The following SCD5 variants were observed in gnomAD, a reference collection of about 807,000 sequenced individuals.
SCD5 encodes stearoyl-CoA desaturase 5.
SCD5 carries 20 observed loss-of-function variants against 30.4 expected under a neutral mutation model. That is an observed-to-expected ratio of 0.66 (90% confidence interval 0.46 to 0.96). SCD5 has a LOEUF of 0.96. Ranked by LOEUF, SCD5 falls within the 40% of genes least tolerant of loss-of-function variation. The probability of loss-of-function intolerance (pLI) is 0.00; values close to 1 mark genes in which losing one functional copy is unlikely to be tolerated. For missense variants in SCD5, 381 were observed against 443.3 expected, an observed-to-expected ratio of 0.86 and a Z score of 1.26; for synonymous variants, 173 against 176.4, an observed-to-expected ratio of 0.98 and a Z score of 0.16.
At chr4:82,722,428 T>G in intron 1 of SCD5, among the ~76,000 whole-genome samples, 1 of 152,174 alleles carries the variant, frequency 6.6e-6, no homozygotes, top group Non-Finnish European at 1.5e-5. Context: ...ATGGTATAGT[T>G]AGAAAAAATG....
At position 82,763,274 on chromosome 4, in the gene SCD5, G is replaced by A. The variant is rs192299004; in HGVS notation, c.232+35032C>T. Among the ~76,000 whole-genome samples, 561 of 152,282 alleles carry A rather than the reference G, an allele frequency of 3.7e-3. 7 individuals carry two copies. The highest frequency in any genetic ancestry group is 4.6e-3 in the Non-Finnish European group (310 of 68,024). ...CATCTGTAATCCCAGCACTTTGGGA[G>A]GCTGAGGCAGGTGGACCACCTGAGG... On this transcript the variant is annotated intron_variant, in intron 1 of 4. Coordinates refer to ENST00000319540, the MANE Select transcript of SCD5 (RefSeq NM_001037582.3).
At chr4:82,709,095 T>C (rs1720027313) in intron 1 of SCD5, among the ~76,000 whole-genome samples, 1 of 152,164 alleles carries the variant, frequency 6.6e-6, no homozygotes, top group African/African-American at 2.4e-5. Context: ...AGAGCCCACA[T>C]CTAAATGCCC....
Position 82,668,185 on chromosome 4 carries a change from AG to A in SCD5, c.569+12521del, listed in dbSNP as rs138873290. Among the ~76,000 whole-genome samples, 1,118 of 152,334 alleles carry A rather than the reference AG, an allele frequency of 7.3e-3. 12 individuals are homozygous for A. Among genetic ancestry groups the A allele is most frequent in the African/African-American group, 0.026 (1,060 of 41,566 alleles). On this transcript the variant is annotated intron_variant, in intron 3 of 4. Transcript: ENST00000319540. The stretch of plus-strand genomic sequence containing the variant: ...GAGGCAAAATGTCTCCATGCAGAGA[AG>A]GGTACAAAAAAAGGAACAAAGCTGT...
chr4:82,695,191 G>A (rs1719673571), intron 2 of SCD5, among the ~76,000 whole-genome samples: 1 of 151,946 alleles, frequency 6.6e-6, no homozygotes, highest in Non-Finnish European at 1.5e-5. Context: ...GATCACGCAG[G>A]GCCCCATAGA....
At chr4:82,754,471 T>TA (rs1721184817) in intron 1 of SCD5, among the ~76,000 whole-genome samples, 1 of 151,730 alleles carries the variant, frequency 6.6e-6, no homozygotes, top group Admixed American at 6.6e-5. Flanking sequence ...AGGAGGGGTC[T>TA]GGGTGGTCCT....
At chr4:82,636,462 A>AT (rs1727432701) in intron 4 of SCD5, 129 bp downstream of exon 4, 2 of 738,508 alleles carry the variant, frequency 2.7e-6, no homozygotes, top group Non-Finnish European at 4.4e-6. Context: ...GAAAAAAAAA[A>AT]AAAAAGCTCA....
Position 82,784,206 on chromosome 4 carries a change from G to A in SCD5, c.232+14100C>T, listed in dbSNP as rs1161217666. The stretch of plus-strand genomic sequence containing the variant: ...AATCCCCAGGTGCATGTGAGGCAGC[G>A]GTAACAGTTCTCTTTACCTTTGTAT... On this transcript the variant is annotated intron_variant, in intron 1 of 4. Coordinates refer to ENST00000319540, the MANE Select transcript of SCD5 (RefSeq NM_001037582.3). Among the ~76,000 whole-genome samples the A allele has an allele frequency of 3.9e-5, 6 of 152,194 alleles. No homozygotes were observed. In the East Asian group the frequency reaches 9.6e-4, roughly 24 times the overall value.
At chr4:82,753,552 T>C in intron 1 of SCD5, 1 of 415,266 alleles carries the variant, frequency 2.4e-6, no homozygotes, top group Non-Finnish European at 5.0e-6. Flanking sequence ...GGGGAAGGGT[T>C]TCAGGTTAGA....
At chr4:82,786,642 A>T (rs1035270281) in intron 1 of SCD5, among the ~76,000 whole-genome samples, 1 of 152,076 alleles carries the variant, frequency 6.6e-6, no homozygotes, top group African/African-American at 2.4e-5. Context: ...AAATATAAAA[A>T]TTAGCTCGGC....
chr4:82,701,733 A>G lies in SCD5; in HGVS notation c.363+3550T>C, dbSNP rs1223832595. On this transcript the variant is annotated intron_variant, in intron 2 of 4. Transcript: ENST00000319540. ...TAGTTCTCTTCCAGCTCTCAATCCA[A>G]TGCCTCATTACCATGACTTGATAAG... Among the ~76,000 whole-genome samples, 53 of 151,936 alleles carry G rather than the reference A, an allele frequency of 3.5e-4. 1 individual carries two copies. The highest frequency in any genetic ancestry group is 3.5e-3 in the Admixed American group (53 of 15,208).
intron 1 of SCD5, among the ~76,000 whole-genome samples, chr4:82,741,684 T>G (rs2148839079): frequency 6.6e-6 from 1 of 152,328 alleles, no homozygotes; most frequent in Admixed American, 6.5e-5. Context: ...AATAGGGCTC[T>G]TTCTGCCTCC....
chr4:82,694,776 AGAG>A (rs1413509135), intron 2 of SCD5, among the ~76,000 whole-genome samples: 3 of 152,156 alleles, frequency 2.0e-5, no homozygotes, highest in African/African-American at 7.2e-5. Context: ...GAGTAGGCTG[AGAG>A]GAGGAGGGGC....
rs570753094 is a variant in SCD5 at position 82,657,558 on chromosome 4, C to T, written c.570-20735G>A. 2.0e-5 allele frequency among the ~76,000 whole-genome samples: 3 copies of T among 152,260 alleles called. No homozygotes were observed. In the South Asian group the frequency reaches 6.2e-4, roughly 32 times the overall value. On this transcript the variant is annotated intron_variant, in intron 3 of 4. Transcript: ENST00000319540. ...GATGCCTCCAGCTTTGCTCTTTTTGCTTAGGATTGTCTTGGTTATACAGGC... is the reference window on the plus strand; with the variant it reads ...GATGCCTCCAGCTTTGCTCTTTTTGTTTAGGATTGTCTTGGTTATACAGGC...
intron 1 of SCD5, among the ~76,000 whole-genome samples, chr4:82,755,654 G>T (rs913352425): frequency 1.3e-5 from 2 of 152,110 alleles, no homozygotes; most frequent in Non-Finnish European, 2.9e-5. Flanking sequence ...GCTCAAAAAG[G>T]ATGGCTTAAC....
chr4:82,671,287 T>C (rs1264592590), intron 3 of SCD5, among the ~76,000 whole-genome samples: 2 of 152,134 alleles, frequency 1.3e-5, no homozygotes, highest in African/African-American at 4.8e-5. Flanking sequence ...AATCCATAAT[T>C]ATAATTGGAG....
intron 1 of SCD5, among the ~76,000 whole-genome samples, chr4:82,772,881 T>C (rs1435082879): frequency 6.6e-6 from 1 of 152,176 alleles, no homozygotes; most frequent in East Asian, 1.9e-4. Context: ...TGGCATCTAG[T>C]AGGTGCTCAG....
chr4:82,783,183 T>C (rs1721911081), intron 1 of SCD5, among the ~76,000 whole-genome samples: 1 of 152,152 alleles, frequency 6.6e-6, no homozygotes, highest in Admixed American at 6.5e-5. Flanking sequence ...TACAACTCAC[T>C]CATGACTGAC....
chr4:82,634,360 A>T (rs1727379164), intron 4 of SCD5, among the ~76,000 whole-genome samples: 1 of 138,308 alleles, frequency 7.2e-6, no homozygotes, highest in Admixed American at 6.9e-5. Context: ...GCTACTAGTC[A>T]TCACATAGTT....
intron 1 of SCD5, among the ~76,000 whole-genome samples, chr4:82,796,653 C>T (rs571091093): frequency 4.1e-4 from 62 of 152,270 alleles, no homozygotes; most frequent in African/African-American, 1.4e-3. Context: ...TCCCTGAGCA[C>T]TCTCTGAACA....
Sources: gnomAD v4.1 joint callset for allele counts (sites outside exome capture counted in the v4.1 genomes callset) on GRCh38, gnomAD v4.1.1 for gene constraint, MANE v1.5 for transcripts, NCBI Gene and HGNC (gene_info 2026-07-23, HGNC 2026-07-21) for gene names.